GAB1: variants seen among roughly 807,000 people sequenced by gnomAD.
GAB1 encodes the protein GRB2-associated-binding protein 1.
In GAB1, 19 loss-of-function variants were observed where a neutral mutation model predicts 66.5. That is an observed-to-expected ratio of 0.29 (90% CI 0.20 to 0.42). The LOEUF (loss-of-function observed/expected upper bound fraction) is 0.42, where lower values mean the gene tolerates loss of function less well. GAB1 is among the 10% of genes least tolerant of loss of function. The pLI, the probability that GAB1 is intolerant of heterozygous loss-of-function variation, is 1.00. For missense variants in GAB1, 732 were observed against 858.5 expected, an observed-to-expected ratio of 0.85 and a Z score of 1.84; for synonymous variants, 294 against 301.4, an observed-to-expected ratio of 0.98 and a Z score of 0.25.
intron 1 of GAB1, among the ~76,000 whole-genome samples, chr4:143,392,985 C>T (rs372110056): frequency 6.6e-6 from 1 of 152,108 alleles, no homozygotes; most frequent in East Asian, 1.9e-4. Flanking sequence ...ATGTATATGT[C>T]CACAAAGTAC....
intron 1 of GAB1, 90 bp from the exon 2 acceptor site, chr4:143,415,387 G>A: frequency 1.0e-6 from 1 of 991,778 alleles, no homozygotes; most frequent in East Asian, 2.5e-5. Context: ...TCTAAACAAT[G>A]CATTTGTAAA....
rs1288025246 is a variant in GAB1, at chr4:143,471,501, T to C, written c.*2312T>C. 2 of 152,184 alleles carry C rather than the reference T, an allele frequency of 1.3e-5. No homozygotes were observed. Among genetic ancestry groups the C allele is most frequent in the African/African-American group, 4.8e-5 (2 of 41,462 alleles). The allele number at this position is 152,184 out of a possible 1,614,324, so 9.4% of individuals were successfully genotyped here. A position where few individuals can be genotyped will look rare whatever the true frequency, so the allele number is the denominator to read the frequency against. On this transcript the variant is annotated 3_prime_UTR_variant, in exon 10 of 10. Transcript: ENST00000262994. ...AAACTCAATTTTATCAATATAAATG[T>C]ATTTTGGGTTCACATTTATGCTTAT...
At chr4:143,345,589 C>T (rs1728960896) in intron 1 of GAB1, among the ~76,000 whole-genome samples, 1 of 152,040 alleles carries the variant, frequency 6.6e-6, no homozygotes, top group Admixed American at 6.6e-5. Flanking sequence ...CAGCTTTATA[C>T]ATACTTCTTT....
chr4:143,376,401 A>G (rs970779986), intron 1 of GAB1, among the ~76,000 whole-genome samples: 1 of 152,198 alleles, frequency 6.6e-6, no homozygotes, highest in African/African-American at 2.4e-5. Flanking sequence ...TATGTTGAAC[A>G]TTTTTCAGAT....
At chr4:143,341,538 T>C (rs748157099) in intron 1 of GAB1, among the ~76,000 whole-genome samples, 7 of 152,198 alleles carry the variant, frequency 4.6e-5, no homozygotes, top group Non-Finnish European at 1.0e-4. Context: ...GAGAACCTGC[T>C]TCTGAGGCCA....
chr4:143,413,520 A>G lies in GAB1; in HGVS notation c.73-1957A>G, dbSNP rs116468271. Reference sequence around the variant, plus strand: ...AAAATGTTGATGATTAAAGACCTATATAATGTTTTTAGGCCTTTGTGATCT... The same window carrying G: ...AAAATGTTGATGATTAAAGACCTATGTAATGTTTTTAGGCCTTTGTGATCT... On this transcript the variant is annotated intron_variant, in intron 1 of 9. Coordinates refer to ENST00000262994, the MANE Select transcript of GAB1 (RefSeq NM_002039.4). Among the ~76,000 whole-genome samples, 732 of 152,272 alleles carry G rather than the reference A, an allele frequency of 4.8e-3. 8 individuals are homozygous for G. The highest frequency in any genetic ancestry group is 0.017 in the Middle Eastern group (5 of 294).
In GAB1 at chr4:143,438,734, T is replaced by A. The variant is rs1386725589; in HGVS notation, c.1195+134T>A. ...GTCCATTTTTTTCCAGCTCTACAGC[T>A]ACCTGGAAGGGTATATTGCATTCAT... is the stretch of plus-strand genomic sequence containing the variant. On this transcript the variant is annotated intron_variant, in intron 4 of 9. Coordinates refer to ENST00000262994, the MANE Select transcript of GAB1 (RefSeq NM_002039.4). 7.0e-6 allele frequency: 6 copies of A among 861,632 alleles called. No individual in the cohort carries two copies. The African/African-American group carries it at 1.0e-4, about 15-fold the overall frequency. The allele number at this position is 861,632 out of a possible 1,614,324, so 53.4% of individuals were successfully genotyped here. A position where few individuals can be genotyped will look rare whatever the true frequency, so the allele number is the denominator to read the frequency against.
chr4:143,356,432 C>T (rs985957477), intron 1 of GAB1, among the ~76,000 whole-genome samples: 1 of 151,898 alleles, frequency 6.6e-6, no homozygotes, highest in African/African-American at 2.4e-5. Flanking sequence ...ATACTTTGAA[C>T]ATGGTGCTTA....
Position 143,469,130 on chromosome 4 carries a change from GC to G in GAB1, c.2028del (p.Trp677GlyfsTer17). Reference protein sequence around the residue: ...KTLALKSTREAWTDGRQSTES... With the variant: ...KTLALKSTREXWTDGRQSTES... The stretch of plus-strand genomic sequence containing the variant: ...CTTGGCTCTAAAGAGTACCCGGGAA[GC>G]CTGGACAGATGGGAGACAGTCCACA... On this transcript the variant is annotated frameshift_variant, in exon 10 of 10. Coordinates refer to ENST00000262994, the MANE Select transcript of GAB1 (RefSeq NM_002039.4). LOFTEE classifies it high-confidence loss of function. The G allele has an allele frequency of 6.2e-7, 1 of 1,614,170 alleles. No homozygotes were observed. Among genetic ancestry groups the G allele is most frequent in the Non-Finnish European group, 8.5e-7 (1 of 1,180,004 alleles).
intron 1 of GAB1, among the ~76,000 whole-genome samples, chr4:143,389,655 T>G (rs1008680712): frequency 1.3e-5 from 2 of 152,248 alleles, no homozygotes; most frequent in Non-Finnish European, 2.9e-5. Flanking sequence ...GTGTGAACAT[T>G]ACTGCTTCAC....
chr4:143,348,963 T>A (rs1729081630), intron 1 of GAB1, among the ~76,000 whole-genome samples: 1 of 152,200 alleles, frequency 6.6e-6, no homozygotes, highest in South Asian at 2.1e-4. Context: ...TTCTCTGAAC[T>A]CCACCACCAC....
rs115946706 is a variant in GAB1, at chr4:143,467,509, G to A, written c.1926+1284G>A. Among the ~76,000 whole-genome samples the A allele has an allele frequency of 4.5e-3, 692 of 152,116 alleles. 11 individuals are homozygous for A. Among genetic ancestry groups the A allele is most frequent in the South Asian group, 0.029 (139 of 4,826 alleles). On this transcript the variant is annotated intron_variant, in intron 9 of 9. Transcript: ENST00000262994. ...TTTGGGTCTTTATCAAATATGTCTG[G>A]CCAATTTACTGGCTCCTTTTTCAAT... is the stretch of plus-strand genomic sequence containing the variant.
At position 143,438,175 on chromosome 4, in the gene GAB1, G is replaced by T. The variant is rs1322279292; in HGVS notation, c.770G>T (p.Ser257Ile). The change falls in exon 4 of 10, where the codon AGC (serine) becomes ATC (isoleucine). Residue 257 changes from serine (S) to isoleucine (I), a missense_variant. Physicochemically the swap from Ser to Ile is moderately radical, Grantham distance 142. Coordinates refer to ENST00000262994, the MANE Select transcript of GAB1 (RefSeq NM_002039.4). Reference protein sequence around the residue: ...SRAPSASVDSSLYNLPRSYSH... With the variant: ...SRAPSASVDSILYNLPRSYSH... The stretch of plus-strand genomic sequence containing the variant: ...GCCCCATCTGCTTCAGTTGACTCCA[G>T]CCTTTATAACCTGCCCAGGAGTTAT... The T allele has an allele frequency of 6.2e-7, 1 of 1,613,944 alleles. No homozygotes were observed. Among genetic ancestry groups the T allele is most frequent in the Non-Finnish European group, 8.5e-7 (1 of 1,179,988 alleles).
chr4:143,378,345 G>A (rs1230037640), intron 1 of GAB1, among the ~76,000 whole-genome samples: 1 of 152,168 alleles, frequency 6.6e-6, no homozygotes, highest in Non-Finnish European at 1.5e-5. Context: ...ATGTCATGGG[G>A]ATAGTTGTGT....
chr4:143,355,956 T>G (rs929578012), intron 1 of GAB1, among the ~76,000 whole-genome samples: 2 of 152,098 alleles, frequency 1.3e-5, no homozygotes, highest in African/African-American at 2.4e-5. Flanking sequence ...AGATTTTTTT[T>G]GGGAACCAGT....
intron 6 of GAB1, among the ~76,000 whole-genome samples, chr4:143,452,851 T>C (rs1244267295): frequency 6.6e-6 from 1 of 152,224 alleles, no homozygotes; most frequent in Non-Finnish European, 1.5e-5. Flanking sequence ...ACATTCAGGC[T>C]CACATGAGTT....
chr4:143,424,163 G>A (rs984947770), intron 2 of GAB1, among the ~76,000 whole-genome samples: 1 of 152,140 alleles, frequency 6.6e-6, no homozygotes, highest in African/African-American at 2.4e-5. Context: ...TAGTTGCAGT[G>A]AAAAGCTAGA....
At position 143,415,673 on chromosome 4, in the gene GAB1, T is replaced by C; in HGVS notation, c.269T>C (p.Ile90Thr). Reference sequence around the variant, plus strand: ...AGCTACATTTTTGATATCAACACTATTGACCGGATTTTCTACTTGGTAGCA... The same window carrying C: ...AGCTACATTTTTGATATCAACACTACTGACCGGATTTTCTACTTGGTAGCA... ...ENSYIFDINT[I>T]DRIFYLVADS... Residue 90 changes from isoleucine (I) to threonine (T), a missense_variant, in exon 2 of 10, where the codon ATT becomes ACT. Ile to Thr is a moderately conservative substitution (Grantham distance 89). Around this residue, in one of 4 missense-constraint regions of GAB1, gnomAD observed 66 missense variants for 130.3 expected, o/e 0.51. Coordinates refer to ENST00000262994, the MANE Select transcript of GAB1 (RefSeq NM_002039.4). The C allele has an allele frequency of 1.2e-6, 2 of 1,614,054 alleles. No individual in the cohort carries two copies. Among genetic ancestry groups the C allele is most frequent in the Non-Finnish European group, 1.7e-6 (2 of 1,179,924 alleles).
intron 6 of GAB1, among the ~76,000 whole-genome samples, chr4:143,454,605 A>G (rs1389625771): frequency 1.3e-5 from 2 of 152,178 alleles, no homozygotes; most frequent in Non-Finnish European, 2.9e-5. Context: ...TCATTTCAGC[A>G]GCTGCTAGGT....
Sources: gnomAD v4.1 joint callset for allele counts (sites outside exome capture counted in the v4.1 genomes callset) on GRCh38, gnomAD v4.1.1 for gene constraint, gnomAD v4.1.1 regional missense constraint, MANE v1.5 for transcripts, NCBI Gene and HGNC (gene_info 2026-07-23, HGNC 2026-07-21) for gene names.